Variants in PPP2CB observed in about 807,000 individuals in gnomAD.
PPP2CB encodes the protein protein phosphatase 2 catalytic subunit beta.
In PPP2CB, 18 loss-of-function variants were observed where a neutral mutation model predicts 39.1. That is an observed-to-expected ratio of 0.46 (90% CI 0.32 to 0.68). The LOEUF is 0.68. PPP2CB is among the 30% of genes least tolerant of loss of function. PPP2CB has a pLI of 0.04. For missense variants in PPP2CB, 226 were observed against 396.9 expected (o/e 0.57, Z 3.66); for synonymous variants, 129 against 133.8 (o/e 0.96, Z 0.25).
chr8:30,801,896 G>A (rs1470211919), intron 1 of PPP2CB, among the ~76,000 whole-genome samples: 2 of 152,050 alleles, frequency 1.3e-5, no homozygotes, highest in African/African-American at 4.8e-5. Context: ...CTAAAGAGCA[G>A]GGACAATGGC....
At position 30,794,092 on chromosome 8, in the gene PPP2CB, A is replaced by G. The variant is rs891210674; in HGVS notation, c.577-14T>C. The G allele has an allele frequency of 1.9e-6, 3 of 1,603,258 alleles. No homozygotes were observed. Among genetic ancestry groups the G allele is most frequent in the South Asian group, 1.1e-5 (1 of 89,628 alleles). ...ACACATTGGGCCCTGGCCAAGAAAA[A>G]TAAGTACATGTTACAAATTATTATC... On this transcript the variant is annotated splice_polypyrimidine_tract_variant and intron_variant, in intron 4 of 6. Coordinates refer to ENST00000221138, the MANE Select transcript of PPP2CB (RefSeq NM_001009552.2).
Position 30,803,970 on chromosome 8 carries a change from G to A in PPP2CB, c.103-4215C>T, listed in dbSNP as rs562836459. 4.3e-3 allele frequency among the ~76,000 whole-genome samples: 658 copies of A among 152,054 alleles called. 4 individuals carry two copies. Among genetic ancestry groups the A allele is most frequent in the Non-Finnish European group, 7.0e-3 (479 of 67,988 alleles). ...CCCAAGTAGCTGGGATTACAGGCGC[G>A]TGCCACCACACCCAGCTAATTTCTG... On this transcript the variant is annotated intron_variant, in intron 1 of 6. Transcript: ENST00000221138.
intron 3 of PPP2CB, among the ~76,000 whole-genome samples, chr8:30,796,446 T>C (rs146995085): frequency 0.015 from 2,215 of 152,294 alleles, 48 homozygotes; most frequent in African/African-American, 0.046. Context: ...CGTGATACGA[T>C]CTTGGCTCAC....
At chr8:30,811,925 TGGTCCTTTTC>T (rs1321215921) in intron 1 of PPP2CB, among the ~76,000 whole-genome samples, 4 of 152,196 alleles carry the variant, frequency 2.6e-5, no homozygotes, top group Non-Finnish European at 5.9e-5. Context: ...GGTCTGAAAA[TGGTCCTTTTC>T]GGACGTCGCT....
intron 1 of PPP2CB, among the ~76,000 whole-genome samples, chr8:30,803,973 C>T (rs1806675241): frequency 6.6e-6 from 1 of 152,142 alleles, no homozygotes. Context: ...CAGGCGCGTG[C>T]CACCACACCC....
At chr8:30,788,863 A>C (rs1382472689) in intron 6 of PPP2CB, among the ~76,000 whole-genome samples, 1 of 152,140 alleles carries the variant, frequency 6.6e-6, no homozygotes, top group Non-Finnish European at 1.5e-5. Context: ...CATGTCTTAT[A>C]ATCTGTGGTT....
intron 5 of PPP2CB, among the ~76,000 whole-genome samples, chr8:30,792,052 G>A (rs572517635): frequency 2.0e-5 from 3 of 148,054 alleles, no homozygotes; most frequent in African/African-American, 5.2e-5. Flanking sequence ...ACATACATTA[G>A]TGTATGTATG....
At chr8:30,799,435 T>G (rs1318511398) in intron 2 of PPP2CB, 111 bp downstream of exon 2, 1 of 838,212 alleles carries the variant, frequency 1.2e-6, no homozygotes, top group African/African-American at 1.7e-5. Context: ...ATTATTATTT[T>G]AAGGGGCTAT....
At chr8:30,796,616 C>A (rs1413037403) in intron 3 of PPP2CB, among the ~76,000 whole-genome samples, 1 of 151,790 alleles carries the variant, frequency 6.6e-6, no homozygotes, top group African/African-American at 2.4e-5. Flanking sequence ...CTCGAACTCC[C>A]TACCTCAGGT....
At chr8:30,796,353 T>C (rs1806526172) in intron 3 of PPP2CB, among the ~76,000 whole-genome samples, 1 of 152,136 alleles carries the variant, frequency 6.6e-6, no homozygotes, top group South Asian at 2.1e-4. Flanking sequence ...AATTTAAGAA[T>C]TATGGAGTTT....
chr8:30,791,840 ATATG>A (rs1806435673), intron 5 of PPP2CB, among the ~76,000 whole-genome samples: 1 of 151,116 alleles, frequency 6.6e-6, no homozygotes, highest in Admixed American at 6.7e-5. Flanking sequence ...GTGTATATAC[ATATG>A]TATATATACG....
At chr8:30,806,228 G>GT (rs1197739405) in intron 1 of PPP2CB, among the ~76,000 whole-genome samples, 11 of 144,106 alleles carry the variant, frequency 7.6e-5, no homozygotes, top group Admixed American at 2.1e-4. Context: ...TTTTTTTTTT[G>GT]TATTTTTAGT....
chr8:30,805,952 A>G (rs186333402), intron 1 of PPP2CB, among the ~76,000 whole-genome samples: 1 of 152,320 alleles, frequency 6.6e-6, no homozygotes, highest in East Asian at 1.9e-4. Flanking sequence ...ACACAACAGC[A>G]AACCAGTTCT....
chr8:30,793,648 A>T, intron 5 of PPP2CB: 1 of 297,422 alleles, frequency 3.4e-6, no homozygotes, highest in Non-Finnish European at 6.2e-6. Context: ...AATATAGTAA[A>T]ATATTTACAG....
chr8:30,807,472 T>C (rs928519405), intron 1 of PPP2CB, among the ~76,000 whole-genome samples: 5 of 152,238 alleles, frequency 3.3e-5, no homozygotes, highest in African/African-American at 1.2e-4. Flanking sequence ...CGCCAGGACT[T>C]AGAAACATTT....
chr8:30,799,023 T>C (rs998363011), intron 2 of PPP2CB, among the ~76,000 whole-genome samples: 4 of 152,170 alleles, frequency 2.6e-5, no homozygotes, highest in Admixed American at 6.5e-5. Flanking sequence ...GACTAGACTA[T>C]AGAAGGCCAG....
At chr8:30,812,093 G>A (rs1334859600) in intron 1 of PPP2CB, among the ~76,000 whole-genome samples, 1 of 152,042 alleles carries the variant, frequency 6.6e-6, no homozygotes, top group Non-Finnish European at 1.5e-5. Context: ...CTGGGCAGCC[G>A]GCCGGGGGCG....
intron 3 of PPP2CB, 80 bp from the exon 4 acceptor site, chr8:30,794,361 G>C (rs1212376696): frequency 8.1e-7 from 1 of 1,234,922 alleles, no homozygotes; most frequent in Non-Finnish European, 1.2e-6. Context: ...ATGGTTAAAA[G>C]TGTCAGTCCA....
intron 1 of PPP2CB, among the ~76,000 whole-genome samples, chr8:30,806,332 G>T (rs1240160762): frequency 6.6e-6 from 1 of 152,010 alleles, no homozygotes; most frequent in Non-Finnish European, 1.5e-5. Context: ...GGGATTACAG[G>T]CGCGAACCAC....
Sources: allele counts gnomAD v4.1 joint callset (sites outside exome capture counted in the v4.1 genomes callset), GRCh38; gene constraint gnomAD v4.1.1; transcripts MANE v1.5; gene names NCBI Gene and HGNC (gene_info 2026-07-23, HGNC 2026-07-21).